TENM3: variants seen among roughly 807,000 people sequenced by gnomAD.
TENM3 encodes teneurin transmembrane protein 3.
Under a neutral mutation model 255.1 loss-of-function variants are expected in TENM3, and 63 were observed. That is an observed-to-expected ratio of 0.25 (90% CI 0.20 to 0.30). The LOEUF (loss-of-function observed/expected upper bound fraction) is 0.30, where lower values mean the gene tolerates loss of function less well. Among genes scored for constraint, TENM3 ranks in the 10% least tolerant of loss-of-function variants. The probability of loss-of-function intolerance (pLI) is 1.00; values close to 1 mark genes in which losing one functional copy is unlikely to be tolerated. For synonymous variants in TENM3, 1,306 were observed against 1,322.3 expected (o/e 0.99, Z 0.27); for missense variants, 2,929 against 3,461.1 (o/e 0.85, Z 3.86).
chr4:182,533,264 T>G (rs569427292), intron 3 of TENM3, among the ~76,000 whole-genome samples: 2 of 152,124 alleles, frequency 1.3e-5, no homozygotes, highest in Non-Finnish European at 2.9e-5. Context: ...TAAAATTACA[T>G]CTTTTGCTGG....
chr4:182,392,826 G>T (rs1768530557), intron 3 of TENM3, among the ~76,000 whole-genome samples: 1 of 152,250 alleles, frequency 6.6e-6, no homozygotes, highest in Non-Finnish European at 1.5e-5. Flanking sequence ...GAAGCACTGA[G>T]AAACTAGGAG....
chr4:182,128,813 C>T, the TENM3 span, among the ~76,000 whole-genome samples: 3 of 152,146 alleles, frequency 2.0e-5, no homozygotes, highest in African/African-American at 7.2e-5. Context: ...CCTGAAACAA[C>T]TCAAAAAATC....
At position 182,800,354 on chromosome 4, in the gene TENM3, C is replaced by T. The variant is rs1766854733; in HGVS notation, c.*3C>T. ...AGAGCGAGATCGGCAGGAGGTAACGCCCGGGCCGCGCCCGCCGAGCCGCTC... is the reference window on the plus strand; with the variant it reads ...AGAGCGAGATCGGCAGGAGGTAACGTCCGGGCCGCGCCCGCCGAGCCGCTC... On this transcript the variant is annotated 3_prime_UTR_variant, in exon 28 of 28. Transcript: ENST00000511685. 6.5e-7 allele frequency: 1 copy of T among 1,533,486 alleles called. No individual in the cohort carries two copies. Among genetic ancestry groups the T allele is most frequent in the Admixed American group, 2.0e-5 (1 of 51,280 alleles). The allele number at this position is 1,533,486 out of a possible 1,614,324, so 95.0% of individuals were successfully genotyped here.
the TENM3 span, among the ~76,000 whole-genome samples, chr4:181,805,597 TTG>T: frequency 4.7e-3 from 708 of 150,550 alleles, 7 homozygotes; most frequent in African/African-American, 0.016. Flanking sequence ...GTGTGCACTT[TTG>T]TGTGTGTGTG....
intron 1 of TENM3, among the ~76,000 whole-genome samples, chr4:182,197,492 A>C (rs1753901917): frequency 6.6e-6 from 1 of 152,200 alleles, no homozygotes; most frequent in African/African-American, 2.4e-5. Flanking sequence ...AAAAGTTTCC[A>C]AACCACTGCT....
At chr4:181,715,888 G>T in the TENM3 span, among the ~76,000 whole-genome samples, 4 of 152,174 alleles carry the variant, frequency 2.6e-5, no homozygotes, top group Non-Finnish European at 4.4e-5. Flanking sequence ...ATAATAATAG[G>T]ATCACACTTA....
chr4:181,685,698 C>T, the TENM3 span, among the ~76,000 whole-genome samples: 2 of 152,114 alleles, frequency 1.3e-5, no homozygotes, highest in Non-Finnish European at 2.9e-5. Flanking sequence ...GGATGGGCAC[C>T]CTGCCCCCAC....
At chr4:181,674,659 G>A in the TENM3 span, among the ~76,000 whole-genome samples, 3 of 152,036 alleles carry the variant, frequency 2.0e-5, no homozygotes, top group Admixed American at 6.6e-5. Flanking sequence ...TTGGAAAAAC[G>A]GACAGTTGAG....
chr4:182,753,390 TA>T, intron 20 of TENM3, 59 bp from the exon 21 acceptor site: 1 of 1,433,712 alleles, frequency 7.0e-7, no homozygotes, highest in South Asian at 1.2e-5. Context: ...ATGGGCCTAA[TA>T]GTTAATCAAA....
chr4:181,950,145 G>A, the TENM3 span, among the ~76,000 whole-genome samples: 2 of 152,130 alleles, frequency 1.3e-5, no homozygotes, highest in East Asian at 3.9e-4. Context: ...TGCCTTAAGT[G>A]ATGACATTAC....
At chr4:182,236,564 A>G (rs1003903589) in intron 1 of TENM3, among the ~76,000 whole-genome samples, 4 of 152,204 alleles carry the variant, frequency 2.6e-5, no homozygotes, top group African/African-American at 9.6e-5. Context: ...TGTTTTTCCC[A>G]GTGTAGACGT....
At chr4:182,659,062 A>G (rs1753995331) in intron 6 of TENM3, among the ~76,000 whole-genome samples, 1 of 152,186 alleles carries the variant, frequency 6.6e-6, no homozygotes, top group African/African-American at 2.4e-5. Context: ...GTCAGCCAAG[A>G]TTCCTGGGGA....
the TENM3 span, among the ~76,000 whole-genome samples, chr4:181,844,036 C>G: frequency 6.6e-6 from 1 of 152,026 alleles, no homozygotes; most frequent in African/African-American, 2.4e-5. Flanking sequence ...TCTTACTGTG[C>G]TGCCTCATCC....
At chr4:181,656,920 G>A in the TENM3 span, among the ~76,000 whole-genome samples, 6 of 152,172 alleles carry the variant, frequency 3.9e-5, no homozygotes, top group Non-Finnish European at 8.8e-5. Flanking sequence ...TCACCTTGTA[G>A]CAACACAATG....
the TENM3 span, among the ~76,000 whole-genome samples, chr4:181,888,591 C>CGTGTGTGTGTGTGTGTGT: frequency 0.016 from 1,420 of 89,942 alleles, 31 homozygotes; most frequent in African/African-American, 0.038. Flanking sequence ...TATATATATG[C>CGTGTGTGTGTGTGTGTGT]GTGTGTGTGT....
the TENM3 span, among the ~76,000 whole-genome samples, chr4:182,049,347 A>G: frequency 6.6e-6 from 1 of 151,938 alleles, no homozygotes; most frequent in African/African-American, 2.4e-5. Flanking sequence ...TTTGACCTTA[A>G]GACCTACCTT....
rs567587190 is a variant in TENM3 at position 182,291,041 on chromosome 4, G to A, written c.-75-32905G>A. 1.6e-4 allele frequency among the ~76,000 whole-genome samples: 24 copies of A among 151,982 alleles called. No homozygotes were observed. In the South Asian group the frequency reaches 3.3e-3, roughly 21 times the overall value. On this transcript the variant is annotated intron_variant, in intron 1 of 27. Coordinates refer to ENST00000511685, the MANE Select transcript of TENM3 (RefSeq NM_001080477.4). Reference sequence around the variant, plus strand: ...TCACCATGTTGGCCAGGCTGGTCTCGAATGCCTGACCTCAAGTGATCCTCC... The same window carrying A: ...TCACCATGTTGGCCAGGCTGGTCTCAAATGCCTGACCTCAAGTGATCCTCC...
chr4:182,417,354 T>C (rs1180838805), intron 3 of TENM3, among the ~76,000 whole-genome samples: 1 of 152,222 alleles, frequency 6.6e-6, no homozygotes, highest in Non-Finnish European at 1.5e-5. Context: ...TGATCTTTCA[T>C]ATGTAACATT....
At chr4:181,639,760 C>T in the TENM3 span, among the ~76,000 whole-genome samples, 2,907 of 152,144 alleles carry the variant, frequency 0.019, 51 homozygotes, top group South Asian at 0.066. Flanking sequence ...AAATAAATCC[C>T]CACCACCCTC....
Sources: allele counts gnomAD v4.1 joint callset (sites outside exome capture counted in the v4.1 genomes callset), GRCh38; gene constraint gnomAD v4.1.1; transcripts MANE v1.5; gene names NCBI Gene and HGNC (gene_info 2026-07-23, HGNC 2026-07-21).